Variants in SDK1 observed in about 807,000 individuals in gnomAD.
The protein encoded by SDK1 is sidekick cell adhesion molecule 1, also known as protein sidekick-1.
In SDK1, 157 loss-of-function variants were observed where a neutral mutation model predicts 245.5. The ratio of observed to expected loss-of-function variants is 0.64; its 90% CI spans 0.56 to 0.73. The LOEUF (loss-of-function observed/expected upper bound fraction) is 0.73, where lower values mean the gene tolerates loss of function less well. SDK1 is among the 30% of genes least tolerant of loss of function. SDK1 has a pLI of 0.00. For synonymous variants in SDK1, 1,647 were observed against 1,278.5 expected (o/e 1.29, Z -6.15); for missense variants, 3,583 against 3,002.3 (o/e 1.19, Z -4.52).
intron 5 of SDK1, among the ~76,000 whole-genome samples, chr7:3,891,401 C>T (rs1250702636): frequency 6.6e-6 from 1 of 152,176 alleles, no homozygotes; most frequent in Admixed American, 6.5e-5. Flanking sequence ...CATGGCTGAG[C>T]AGATTTCTTA....
At chr7:4,263,256 C>G (rs999644084) in intron 44 of SDK1, among the ~76,000 whole-genome samples, 11 of 142,230 alleles carry the variant, frequency 7.7e-5, no homozygotes, top group Admixed American at 2.2e-4. Flanking sequence ...CAGCCCACAT[C>G]TTAGTCTCAG....
chr7:3,684,346 TC>T (rs746017714), intron 4 of SDK1, among the ~76,000 whole-genome samples: 14 of 152,052 alleles, frequency 9.2e-5, no homozygotes, highest in Non-Finnish European at 1.5e-4. Context: ...CAGCCTCCCC[TC>T]CCCCTTCCTG....
In SDK1 at chr7:4,237,488, A is replaced by G. The variant is rs147155210; in HGVS notation, c.5993-159A>G. ...CATGGGAGCCTCCTGAGCTTGTCCC[A>G]TGGGAAAAGTCCACCCGCCCGGCTG... On this transcript the variant is annotated intron_variant, in intron 41 of 44. Transcript: ENST00000404826. 4.5e-3 allele frequency among the ~76,000 whole-genome samples: 692 copies of G among 152,146 alleles called. 5 individuals are homozygous for G. Among genetic ancestry groups the G allele is most frequent in the African/African-American group, 0.015 (640 of 41,512 alleles).
At chr7:4,146,850 G>T (rs1461450883) in intron 29 of SDK1, among the ~76,000 whole-genome samples, 1 of 152,246 alleles carries the variant, frequency 6.6e-6, no homozygotes, top group Non-Finnish European at 1.5e-5. Context: ...TTTTACCAAA[G>T]ATGAGACAGA....
intron 1 of SDK1, among the ~76,000 whole-genome samples, chr7:3,321,521 T>A (rs1321358743): frequency 3.3e-5 from 5 of 152,226 alleles, no homozygotes. Context: ...GCTATAAAAA[T>A]CATTGACATG....
intron 5 of SDK1, among the ~76,000 whole-genome samples, chr7:3,890,678 G>T (rs554459414): frequency 6.6e-6 from 1 of 151,784 alleles, no homozygotes; most frequent in East Asian, 1.9e-4. Context: ...GTGGTAGCTC[G>T]TGCCTGTAAT....
chr7:3,421,548 T>C (rs1461260248), intron 1 of SDK1, among the ~76,000 whole-genome samples: 2 of 152,222 alleles, frequency 1.3e-5, no homozygotes, highest in African/African-American at 2.4e-5. Context: ...AGTTTTGATA[T>C]ATAAGGTTTA....
At chr7:3,526,068 C>G (rs1053458129) in intron 1 of SDK1, among the ~76,000 whole-genome samples, 1 of 152,046 alleles carries the variant, frequency 6.6e-6, no homozygotes, top group Non-Finnish European at 1.5e-5. Context: ...AACCCTGTCT[C>G]TACTAAAAAT....
intron 2 of SDK1, among the ~76,000 whole-genome samples, chr7:3,625,151 T>C (rs1782073781): frequency 6.6e-6 from 1 of 152,144 alleles, no homozygotes; most frequent in African/African-American, 2.4e-5. Context: ...AAATAAATTT[T>C]AGATACAATG....
At chr7:3,737,311 G>A (rs563133762) in intron 4 of SDK1, among the ~76,000 whole-genome samples, 1 of 152,348 alleles carries the variant, frequency 6.6e-6, no homozygotes, top group South Asian at 2.1e-4. Flanking sequence ...GGGGGTGGCT[G>A]CAGGCTGTGC....
At chr7:4,219,577 A>G (rs943224891) in intron 38 of SDK1, among the ~76,000 whole-genome samples, 16 of 152,232 alleles carry the variant, frequency 1.1e-4, no homozygotes, top group African/African-American at 2.4e-4. Flanking sequence ...TCATGATTCA[A>G]TTATCTCCCC....
At chr7:3,919,792 C>G (rs1327551175) in intron 5 of SDK1, among the ~76,000 whole-genome samples, 1 of 152,134 alleles carries the variant, frequency 6.6e-6, no homozygotes, top group Non-Finnish European at 1.5e-5. Flanking sequence ...TGCTACATGT[C>G]AGAGGCTGCG....
chr7:3,584,287 C>G (rs1392302085), intron 1 of SDK1, among the ~76,000 whole-genome samples: 2 of 152,222 alleles, frequency 1.3e-5, no homozygotes, highest in East Asian at 1.9e-4. Context: ...GAATACAAAC[C>G]TAATGCACCT....
intron 1 of SDK1, among the ~76,000 whole-genome samples, chr7:3,484,034 A>G (rs1169725262): frequency 6.6e-6 from 1 of 152,206 alleles, no homozygotes; most frequent in Non-Finnish European, 1.5e-5. Flanking sequence ...TGTCACCTCA[A>G]ACATTTATCA....
intron 1 of SDK1, among the ~76,000 whole-genome samples, chr7:3,392,248 C>T (rs1241733545): frequency 1.3e-5 from 2 of 152,004 alleles, no homozygotes; most frequent in Non-Finnish European, 1.5e-5. Context: ...CACTTGTGAC[C>T]AATGATTTCT....
chr7:4,125,343 A>G (rs921244047), intron 25 of SDK1, among the ~76,000 whole-genome samples: 31 of 131,612 alleles, frequency 2.4e-4, no homozygotes, highest in African/African-American at 7.3e-4. Flanking sequence ...ATGAATGAAT[A>G]GATGGATGGA....
Position 3,301,700 on chromosome 7 carries a change from C to G in SDK1, c.114C>G (p.Pro38=). ...GATCCCCGCCCGGCCGCGCCCGCCC[C>G]TCGCTGGCGCCGCGCCCCGGCCCGG... The part of the protein sequence containing the change: ...PRGSPPGRAR[P]SLAPRPGPEP... Residue 38 remains proline, a synonymous_variant, in exon 1 of 45, where the codon CCC becomes CCG. Transcript: ENST00000404826. 5.0e-5 allele frequency: 49 copies of G among 975,084 alleles called. No individual in the cohort carries two copies. Among genetic ancestry groups the G allele is most frequent in the Non-Finnish European group, 5.9e-5 (49 of 824,488 alleles). The allele number at this position is 975,084 out of a possible 1,614,324, so 60.4% of individuals were successfully genotyped here.
chr7:3,607,063 C>G (rs1422639980), intron 1 of SDK1, among the ~76,000 whole-genome samples: 1 of 152,070 alleles, frequency 6.6e-6, no homozygotes, highest in East Asian at 1.9e-4. Flanking sequence ...CAACTTCTCT[C>G]AATAGTGTAA....
intron 1 of SDK1, among the ~76,000 whole-genome samples, chr7:3,570,107 A>T (rs984281530): frequency 6.6e-6 from 1 of 152,196 alleles, no homozygotes; most frequent in Non-Finnish European, 1.5e-5. Context: ...ACCAGTGTCC[A>T]GTTGGTTTGG....
Sources: allele counts gnomAD v4.1 joint callset (sites outside exome capture counted in the v4.1 genomes callset), GRCh38; gene constraint gnomAD v4.1.1; transcripts MANE v1.5; gene names NCBI Gene and HGNC (gene_info 2026-07-23, HGNC 2026-07-21).